XBP1: variants seen among roughly 807,000 people sequenced by gnomAD.
The protein encoded by XBP1 is X-box-binding protein 1.
XBP1 carries 18 observed loss-of-function variants against 34.6 expected under a neutral mutation model. The observed-to-expected ratio is 0.52, with a 90% confidence interval of 0.36 to 0.77. The LOEUF is 0.77. Among genes scored for constraint, XBP1 ranks in the 30% least tolerant of loss-of-function variants. The probability of loss-of-function intolerance (pLI) is 0.00; values close to 1 mark genes in which losing one functional copy is unlikely to be tolerated. For missense variants in XBP1, 422 were observed against 464.6 expected, an observed-to-expected ratio of 0.91 and a Z score of 0.84; for synonymous variants, 191 against 193.4, an observed-to-expected ratio of 0.99 and a Z score of 0.11.
chr22:28,796,365 A>G (rs2031752957), intron 3 of XBP1, 173 bp from the exon 4 acceptor site: 1 of 566,770 alleles, frequency 1.8e-6, no homozygotes, highest in Non-Finnish European at 2.8e-6. Context: ...GCAAGATAAG[A>G]TATTTGCCAG....
chr22:28,796,336 A>C, intron 3 of XBP1, 144 bp from the exon 4 acceptor site: 1 of 679,068 alleles, frequency 1.5e-6, no homozygotes, highest in Non-Finnish European at 2.2e-6. Context: ...ATCTAACAAC[A>C]TTATTATTAT....
chr22:28,798,333 C>CTTTT (rs1555948879), intron 2 of XBP1, among the ~76,000 whole-genome samples: 9 of 107,206 alleles, frequency 8.4e-5, no homozygotes, highest in African/African-American at 1.9e-4. Context: ...AGGGTTTTTG[C>CTTTT]TCTGTCGCCC....
In XBP1 at chr22:28,796,196, G is replaced by T. The variant is rs200640204; in HGVS notation, c.454-4C>A. ...CCACTGGCCTCACTTCATTCCCCTG[G>T]GAGGAAAGACCAAAGTGAATAAACA... On this transcript the variant is annotated splice_polypyrimidine_tract_variant and splice_region_variant and intron_variant, in intron 3 of 5. Transcript: ENST00000344347. The T allele has an allele frequency of 7.8e-6, 12 of 1,539,270 alleles. No individual in the cohort carries two copies. In the East Asian group the frequency reaches 2.8e-4, roughly 36 times the overall value.
At chr22:28,799,976 G>C (rs1374937101) in intron 1 of XBP1, 1 of 779,494 alleles carries the variant, frequency 1.3e-6, no homozygotes, top group Admixed American at 1.7e-5. Flanking sequence ...TCCGAGTTAA[G>C]AGGCTGAACC....
chr22:28,800,470 G>A (rs774935023), exon 1 of XBP1: 12 of 1,482,794 alleles, frequency 8.1e-6, no homozygotes, highest in Admixed American at 5.0e-5. Flanking sequence ...CCCGACAGAA[G>A]CAGAACTTTA....
At chr22:28,796,440 C>G (rs1244815640) in intron 3 of XBP1, 2 of 337,026 alleles carry the variant, frequency 5.9e-6, no homozygotes, top group African/African-American at 4.3e-5. Flanking sequence ...TATAAGGAAG[C>G]CTTACCTCCC....
exon 6 of XBP1, chr22:28,795,429 C>T: frequency 6.3e-7 from 1 of 1,586,266 alleles, no homozygotes; most frequent in Non-Finnish European, 8.6e-7. Context: ...TCAGGGTGAT[C>T]ATTCTCTGAG....
Position 28,797,210 on chromosome 22 carries a change from A to G in XBP1, c.325-5T>C, listed in dbSNP as rs549334272. On this transcript the variant is annotated splice_polypyrimidine_tract_variant and splice_region_variant and intron_variant, in intron 2 of 5. Transcript: ENST00000344347. ...TTCTAGCAAAAGTTTTTGGTTCTGG[A>G]AGAAAGTTCATAAGAGGCTATTAAA... 1 of 1,612,160 alleles carries G rather than the reference A, an allele frequency of 6.2e-7. No homozygotes were observed. The highest frequency in any genetic ancestry group is 1.1e-5 in the South Asian group (1 of 90,796).
chr22:28,800,383 G>A, exon 1 of XBP1: 1 of 1,537,262 alleles, frequency 6.5e-7, no homozygotes, highest in Non-Finnish European at 8.7e-7. Context: ...GCTGCCTCCG[G>A]GCTGGCCCCT....
Position 28,800,286 on chromosome 22 carries a change from C to A in XBP1, c.227+12G>T, listed in dbSNP as rs183985765. The A allele has an allele frequency of 1.4e-3, 2,182 of 1,551,200 alleles. 58 individuals carry two copies. The Admixed American group carries it at 0.039, about 28-fold the overall frequency. ...CTTCAGATCTGGCCCCAGACCCCGG[C>A]CCCTCGCCCACCTCCTCAGCGCCTT... On this transcript the variant is annotated intron_variant, in intron 1 of 5. Transcript: ENST00000344347.
intron 1 of XBP1, chr22:28,799,888 C>G: frequency 1.4e-6 from 1 of 740,444 alleles, no homozygotes; most frequent in East Asian, 2.5e-5. Flanking sequence ...ATTCCCAGCC[C>G]TTTCAACAGC....
rs149744646 is a variant in XBP1 at position 28,798,735 on chromosome 22, G to C, written c.324+322C>G. 6.7e-4 allele frequency among the ~76,000 whole-genome samples: 100 copies of C among 148,336 alleles called. No homozygotes were observed. The East Asian group carries it at 0.017, about 25-fold the overall frequency. On this transcript the variant is annotated intron_variant, in intron 2 of 5. Coordinates refer to ENST00000344347, the Ensembl canonical transcript of XBP1. The stretch of plus-strand genomic sequence containing the variant: ...AACAATCCTCCCACCTCAACCTCCC[G>C]AGTAGCTGGGACTACAGGCACTCAC...
chr22:28,800,103 G>A, intron 1 of XBP1, 195 bp downstream of exon 1: 1 of 733,678 alleles, frequency 1.4e-6, no homozygotes, highest in Non-Finnish European at 2.4e-6. Context: ...GCCGCCCTAG[G>A]TTCCCAGCGT....
In XBP1 at chr22:28,797,220, A is replaced by G. The variant is rs987220301; in HGVS notation, c.325-15T>C. The G allele has an allele frequency of 8.7e-6, 14 of 1,609,686 alleles. 1 individual carries two copies. The Middle Eastern group carries it at 1.3e-3, about 152-fold the overall frequency. ...AGTTTTTGGTTCTGGAAGAAAGTTC[A>G]TAAGAGGCTATTAAAACATCTAATT... On this transcript the variant is annotated splice_polypyrimidine_tract_variant and intron_variant, in intron 2 of 5. Coordinates refer to ENST00000344347, the Ensembl canonical transcript of XBP1.
intron 5 of XBP1, among the ~76,000 whole-genome samples, 153 bp downstream of exon 5, chr22:28,795,893 TA>T (rs1827301982): frequency 6.6e-6 from 1 of 152,194 alleles, no homozygotes; most frequent in African/African-American, 2.4e-5. Context: ...CTCCATGTTC[TA>T]TATTACCTGG....
intron 2 of XBP1, among the ~76,000 whole-genome samples, chr22:28,798,343 C>A (rs2031790246): frequency 8.9e-6 from 1 of 112,560 alleles, no homozygotes; most frequent in Admixed American, 8.8e-5. Context: ...CTCTGTCGCC[C>A]AGACTGGAGT....
chr22:28,800,531 A>G, upstream of XBP1: 3 of 1,485,404 alleles, frequency 2.0e-6, no homozygotes, highest in Non-Finnish European at 2.7e-6. Context: ...CCATAGCTCC[A>G]GACTACGCAC....
chr22:28,800,481 GGGGTCCCGTCGGCC>G lies in XBP1; in HGVS notation c.30_43del (p.Ala11Ter). On this transcript the variant is annotated frameshift_variant, in exon 1 of 6. Transcript: ENST00000344347. LOFTEE classifies it high-confidence loss of function. ...CTGCCCCGACAGAAGCAGAACTTTA[GGGGTCCCGTCGGCC>G]GGGTTCGGCGCGGCTGCCACCACCA... is the stretch of plus-strand genomic sequence containing the variant. 1 of 1,486,014 alleles carries G rather than the reference GGGGTCCCGTCGGCC, an allele frequency of 6.7e-7. No homozygotes were observed. The highest frequency in any genetic ancestry group is 8.9e-7 in the Non-Finnish European group (1 of 1,127,388). 92.1% of individuals were successfully genotyped at this position (1,486,014 alleles called of 1,614,324 possible). A position where few individuals can be genotyped will look rare whatever the true frequency, so the allele number is the denominator to read the frequency against.
At chr22:28,799,554 A>G (rs888728733) in intron 1 of XBP1, among the ~76,000 whole-genome samples, 1 of 152,192 alleles carries the variant, frequency 6.6e-6, no homozygotes, top group Non-Finnish European at 1.5e-5. Flanking sequence ...CAATCTTGCT[A>G]TGACATCAAC....
Sources: allele counts gnomAD v4.1 joint callset (sites outside exome capture counted in the v4.1 genomes callset), GRCh38; gene constraint gnomAD v4.1.1; transcripts MANE v1.5; gene names NCBI Gene and HGNC (gene_info 2026-07-23, HGNC 2026-07-21).